NTRK2: variants seen among roughly 807,000 people sequenced by gnomAD.
NTRK2 encodes neurotrophic receptor tyrosine kinase 2.
A neutral mutation model predicts 94.5 loss-of-function variants in NTRK2; 13 were observed. The observed-to-expected ratio is 0.14, with a 90% confidence interval of 0.09 to 0.22. The LOEUF (loss-of-function observed/expected upper bound fraction) is 0.22. NTRK2 is among the 10% of genes least tolerant of loss of function. The pLI, the probability that NTRK2 is intolerant of heterozygous loss-of-function variation, is 1.00. For missense variants in NTRK2, 639 were observed against 1,071.2 expected (o/e 0.60, Z 5.63); for synonymous variants, 372 against 407.4 (o/e 0.91, Z 1.05).
intron 12 of NTRK2, chr9:84,815,640 A>G: frequency 1.0e-6 from 1 of 988,722 alleles, no homozygotes; most frequent in Non-Finnish European, 1.2e-6. Flanking sequence ...CAATGTAGAT[A>G]GATCATAAAT....
intron 14 of NTRK2, among the ~76,000 whole-genome samples, chr9:84,907,947 T>A (rs1587895483): frequency 6.6e-6 from 1 of 152,208 alleles, no homozygotes; most frequent in East Asian, 1.9e-4. Context: ...GACCAGGAGA[T>A]GTCCCCTGAA....
chr9:84,916,409 T>A (rs2077394538), intron 14 of NTRK2, among the ~76,000 whole-genome samples: 1 of 152,202 alleles, frequency 6.6e-6, no homozygotes, highest in African/African-American at 2.4e-5. Flanking sequence ...GTACTCTTCA[T>A]CCTAGTACTC....
chr9:84,978,637 G>A (rs182987679), intron 17 of NTRK2, among the ~76,000 whole-genome samples: 1 of 152,166 alleles, frequency 6.6e-6, no homozygotes, highest in Non-Finnish European at 1.5e-5. Context: ...GAAGGTGGCT[G>A]CACTAAACAA....
intron 17 of NTRK2, among the ~76,000 whole-genome samples, chr9:84,972,076 A>AG (rs982635805): frequency 5.1e-4 from 78 of 152,304 alleles, no homozygotes; most frequent in African/African-American, 1.9e-3. Flanking sequence ...AAACATTCAT[A>AG]GGGGGGTATC....
At chr9:84,997,324 C>A (rs1829872726) in intron 17 of NTRK2, among the ~76,000 whole-genome samples, 1 of 152,096 alleles carries the variant, frequency 6.6e-6, no homozygotes, top group Non-Finnish European at 1.5e-5. Context: ...AAGTTAAGTG[C>A]CCCTTGAAGT....
At chr9:84,831,234 G>C (rs1342798036) in intron 12 of NTRK2, among the ~76,000 whole-genome samples, 2 of 152,044 alleles carry the variant, frequency 1.3e-5, no homozygotes, top group African/African-American at 4.8e-5. Context: ...TTGATATTAA[G>C]ACCCTTATAA....
intron 17 of NTRK2, among the ~76,000 whole-genome samples, chr9:85,004,468 G>A (rs1420656993): frequency 6.6e-6 from 1 of 152,122 alleles, no homozygotes; most frequent in African/African-American, 2.4e-5. Flanking sequence ...TTTTATTTAA[G>A]CTATTTCAAG....
At chr9:84,716,524 T>G (rs1332649272) in intron 6 of NTRK2, among the ~76,000 whole-genome samples, 11 of 152,206 alleles carry the variant, frequency 7.2e-5, no homozygotes, top group African/African-American at 2.7e-4. Context: ...CACTCCCAGA[T>G]TAAAAGAATA....
intron 10 of NTRK2, among the ~76,000 whole-genome samples, chr9:84,742,524 C>T (rs1404414254): frequency 1.3e-5 from 2 of 152,244 alleles, no homozygotes; most frequent in East Asian, 1.9e-4. Context: ...GAAAGGGAAG[C>T]GCTCCTGAAG....
intron 14 of NTRK2, among the ~76,000 whole-genome samples, chr9:84,895,232 A>G (rs1416191499): frequency 6.6e-6 from 1 of 152,202 alleles, no homozygotes; most frequent in Non-Finnish European, 1.5e-5. Flanking sequence ...GGGTACAGAG[A>G]TTTCTACTTT....
At chr9:84,722,854 C>A (rs2062169039) in intron 6 of NTRK2, among the ~76,000 whole-genome samples, 1 of 152,190 alleles carries the variant, frequency 6.6e-6, no homozygotes, top group Non-Finnish European at 1.5e-5. Context: ...TAAATACATT[C>A]TCAGAGTCTT....
At chr9:84,814,196 C>T in intron 12 of NTRK2, 1 of 1,065,776 alleles carries the variant, frequency 9.4e-7, no homozygotes, top group Non-Finnish European at 1.1e-6. Context: ...ACACAGAACA[C>T]AGGAGTTTGC....
intron 12 of NTRK2, among the ~76,000 whole-genome samples, chr9:84,845,971 T>C (rs986516548): frequency 1.3e-5 from 2 of 150,260 alleles, no homozygotes; most frequent in Non-Finnish European, 3.0e-5. Context: ...TGCTAAGGAA[T>C]GTGCTTCTAT....
At chr9:84,804,231 C>T (rs1287296952) in intron 12 of NTRK2, among the ~76,000 whole-genome samples, 1 of 152,030 alleles carries the variant, frequency 6.6e-6, no homozygotes, top group Non-Finnish European at 1.5e-5. Context: ...TGTGTTCAGT[C>T]TCTGAACATG....
chr9:85,009,861 C>T (rs1373628014), intron 17 of NTRK2, among the ~76,000 whole-genome samples: 1 of 152,220 alleles, frequency 6.6e-6, no homozygotes, highest in Non-Finnish European at 1.5e-5. Flanking sequence ...TGATGTTACA[C>T]TCACATGAAG....
chr9:84,929,355 T>C (rs2132671471), intron 14 of NTRK2, among the ~76,000 whole-genome samples: 1 of 152,298 alleles, frequency 6.6e-6, no homozygotes, highest in South Asian at 2.1e-4. Context: ...TCTGAAAAAT[T>C]CCATCAGTGA....
chr9:84,852,572 G>T (rs544140354), intron 12 of NTRK2, among the ~76,000 whole-genome samples: 14 of 152,248 alleles, frequency 9.2e-5, no homozygotes, highest in African/African-American at 3.4e-4. Context: ...GGAGTTGCAG[G>T]TTCCATTTTT....
At chr9:84,851,717 G>A (rs1241210062) in intron 12 of NTRK2, among the ~76,000 whole-genome samples, 2 of 152,076 alleles carry the variant, frequency 1.3e-5, no homozygotes, top group Non-Finnish European at 1.5e-5. Flanking sequence ...AAGAATTCAG[G>A]TACCACTTAA....
At chr9:84,798,715 C>T (rs1355049433) in intron 12 of NTRK2, among the ~76,000 whole-genome samples, 1 of 152,086 alleles carries the variant, frequency 6.6e-6, no homozygotes, top group Non-Finnish European at 1.5e-5. Context: ...ACAATCTCAA[C>T]CTGAATTGTC....
Sources: gnomAD v4.1 joint callset for allele counts (sites outside exome capture counted in the v4.1 genomes callset) on GRCh38, gnomAD v4.1.1 for gene constraint, MANE v1.5 for transcripts, NCBI Gene and HGNC (gene_info 2026-07-23, HGNC 2026-07-21) for gene names.